FAM163A: variants seen among roughly 807,000 people sequenced by gnomAD.
The protein encoded by FAM163A is family with sequence similarity 163 member A, also known as protein FAM163A.
FAM163A carries 7 observed loss-of-function variants against 12.0 expected under a neutral mutation model. The ratio of observed to expected loss-of-function variants is 0.58; its 90% CI spans 0.33 to 1.10. The LOEUF is 1.10. FAM163A is among the 50% of genes least tolerant of loss of function. The pLI, the probability that FAM163A is intolerant of heterozygous loss-of-function variation, is 0.03. For missense variants in FAM163A, 202 were observed against 218.6 expected (o/e 0.92, Z 0.48); for synonymous variants, 101 against 91.0 (o/e 1.11, Z -0.62).
rs1423612117 is a variant in FAM163A at position 179,814,697 on chromosome 1, T to A, written c.*508T>A. 6.4e-6 allele frequency: 1 copy of A among 156,844 alleles called. No individual in the cohort carries two copies. Among genetic ancestry groups the A allele is most frequent in the Non-Finnish European group, 1.4e-5 (1 of 70,958 alleles). 9.7% of individuals were successfully genotyped at this position (156,844 alleles called of 1,614,324 possible). The stretch of plus-strand genomic sequence containing the variant: ...CAACGGCACTGCTTCAGGACGCGCT[T>A]GCTGAAACGACTCCAACAGCTAGTT... On this transcript the variant is annotated 3_prime_UTR_variant, in exon 5 of 5. Transcript: ENST00000341785.
intron 1 of FAM163A, among the ~76,000 whole-genome samples, chr1:179,784,154 G>A (rs937464548): frequency 1.4e-4 from 22 of 152,146 alleles, no homozygotes; most frequent in African/African-American, 4.3e-4. Context: ...AGGGTTGGGC[G>A]TAATTGATAA....
the FAM163A span, among the ~76,000 whole-genome samples, chr1:179,732,358 A>T: frequency 6.6e-6 from 1 of 152,204 alleles, no homozygotes; most frequent in African/African-American, 2.4e-5. Flanking sequence ...GATGCGCTAA[A>T]GCTCTTTGGT....
chr1:179,754,135 T>A (rs1685681089), intron 1 of FAM163A, among the ~76,000 whole-genome samples: 1 of 152,148 alleles, frequency 6.6e-6, no homozygotes, highest in Non-Finnish European at 1.5e-5. Context: ...AGTCTCTTTT[T>A]TTTTCTAAGC....
Position 179,803,732 on chromosome 1 carries a change from C to G in FAM163A, c.-135-4066C>G, listed in dbSNP as rs551585437. The stretch of plus-strand genomic sequence containing the variant: ...TACAGGCACGTGCTACCACGCCCGG[C>G]TAATTTTTGTGTTTTTAATAGAGAC... On this transcript the variant is annotated intron_variant, in intron 1 of 4. Coordinates refer to ENST00000341785, the MANE Select transcript of FAM163A (RefSeq NM_173509.3). 7.9e-5 allele frequency among the ~76,000 whole-genome samples: 12 copies of G among 151,960 alleles called. No individual in the cohort carries two copies. The South Asian group carries it at 2.1e-3, about 26-fold the overall frequency.
chr1:179,736,880 C>A, the FAM163A span, among the ~76,000 whole-genome samples: 3 of 151,958 alleles, frequency 2.0e-5, no homozygotes, highest in Non-Finnish European at 2.9e-5. Context: ...GAAATTGGAA[C>A]CTTTGTACAC....
At chr1:179,799,324 TC>T (rs112509717) in intron 1 of FAM163A, among the ~76,000 whole-genome samples, 279 of 152,326 alleles carry the variant, frequency 1.8e-3, no homozygotes, top group African/African-American at 6.1e-3. Context: ...TGAAGCCCTA[TC>T]CCATGACACT....
At chr1:179,807,351 A>G (rs1280674704) in intron 1 of FAM163A, among the ~76,000 whole-genome samples, 4 of 152,168 alleles carry the variant, frequency 2.6e-5, no homozygotes, top group African/African-American at 9.7e-5. Flanking sequence ...TGGGAAAAAT[A>G]GGCCCGGGAA....
intron 1 of FAM163A, among the ~76,000 whole-genome samples, chr1:179,783,747 T>TTATATATATATATTATATAATTTATTA: frequency 1.2e-5 from 1 of 85,328 alleles, no homozygotes; most frequent in African/African-American, 6.9e-5. Context: ...AGCCCAAATA[T>TTATATATATATATTATATAATTTATTA]TATATATATA....
chr1:179,732,662 A>T, the FAM163A span, among the ~76,000 whole-genome samples: 99 of 152,092 alleles, frequency 6.5e-4, no homozygotes, highest in Admixed American at 1.8e-3. Flanking sequence ...CAGGTGAATC[A>T]CTTGAGCTCA....
chr1:179,732,913 T>C, the FAM163A span, among the ~76,000 whole-genome samples: 1 of 145,574 alleles, frequency 6.9e-6, no homozygotes, highest in Admixed American at 6.9e-5. Flanking sequence ...AAAAGATTGT[T>C]TACATGATTG....
upstream of FAM163A, among the ~76,000 whole-genome samples, chr1:179,738,992 T>G (rs966912868): frequency 5.3e-5 from 8 of 152,126 alleles, no homozygotes; most frequent in Non-Finnish European, 1.0e-4. Flanking sequence ...TGGAATGGAA[T>G]AGAGAATCCA....
At chr1:179,756,098 C>A (rs903738892) in intron 1 of FAM163A, among the ~76,000 whole-genome samples, 2 of 152,156 alleles carry the variant, frequency 1.3e-5, no homozygotes, top group African/African-American at 4.8e-5. Flanking sequence ...GAGGATTCAG[C>A]AAAATACTAG....
At chr1:179,738,438 A>G (rs370278181), upstream of FAM163A, among the ~76,000 whole-genome samples, 12 of 152,334 alleles carry the variant, frequency 7.9e-5, no homozygotes, top group East Asian at 2.3e-3. Context: ...AGTTTTTTGT[A>G]TCAATTATAC....
At chr1:179,752,810 G>A (rs1685468293) in intron 1 of FAM163A, among the ~76,000 whole-genome samples, 1 of 152,202 alleles carries the variant, frequency 6.6e-6, no homozygotes, top group Non-Finnish European at 1.5e-5. Context: ...TGGTGAAGAT[G>A]TGGAGAAACT....
chr1:179,731,645 C>G, the FAM163A span, among the ~76,000 whole-genome samples: 4 of 152,108 alleles, frequency 2.6e-5, no homozygotes, highest in South Asian at 2.1e-4. Context: ...GGACTGAGGC[C>G]GTCCCAGCAA....
intron 2 of FAM163A, 67 bp from the exon 3 acceptor site, chr1:179,812,043 C>G (rs1694769869): frequency 6.6e-6 from 1 of 152,538 alleles, no homozygotes; most frequent in Non-Finnish European, 1.5e-5. Context: ...ATCATCTAAC[C>G]CTTCTGGCCT....
At chr1:179,772,198 C>T (rs146527753) in intron 1 of FAM163A, among the ~76,000 whole-genome samples, 199 of 152,310 alleles carry the variant, frequency 1.3e-3, no homozygotes, top group African/African-American at 4.7e-3. Context: ...GGCTTAAAAA[C>T]CCATAGCCAC....
rs968687072 is a variant in FAM163A at position 179,815,092 on chromosome 1, C to T, written c.*903C>T. The T allele has an allele frequency of 3.4e-5, 3 of 86,962 alleles. No homozygotes were observed. The highest frequency in any genetic ancestry group is 1.1e-4 in the Admixed American group (1 of 9,500). The allele number at this position is 86,962 out of a possible 1,614,324, so 5.4% of individuals were successfully genotyped here. On this transcript the variant is annotated 3_prime_UTR_variant, in exon 5 of 5. Coordinates refer to ENST00000341785, the MANE Select transcript of FAM163A (RefSeq NM_173509.3). ...GTGTGCATAACCGTTCCCAGGTGTA[C>T]GCACGCGCGCGCGCGCGCACAGACA...
At chr1:179,786,944 T>A (rs6693410) in intron 1 of FAM163A, among the ~76,000 whole-genome samples, 51,516 of 152,010 alleles carry the variant, frequency 0.34, 10,411 homozygotes, top group African/African-American at 0.57. Flanking sequence ...CTCCACTGGC[T>A]CCTTGCCACC....
Sources: gnomAD v4.1 joint callset for allele counts (sites outside exome capture counted in the v4.1 genomes callset) on GRCh38, gnomAD v4.1.1 for gene constraint, MANE v1.5 for transcripts, NCBI Gene and HGNC (gene_info 2026-07-23, HGNC 2026-07-21) for gene names.